The following THEMIS2 variants were observed in gnomAD, a reference collection of about 807,000 sequenced individuals.
THEMIS2 encodes the protein thymocyte selection associated family member 2.
A neutral mutation model predicts 46.8 loss-of-function variants in THEMIS2; 29 were observed. That is an observed-to-expected ratio of 0.62 (90% CI 0.46 to 0.84). The LOEUF is 0.84. Among genes scored for constraint, THEMIS2 ranks in the 40% least tolerant of loss-of-function variants. THEMIS2 has a pLI of 0.00. For synonymous variants in THEMIS2, 335 were observed against 349.1 expected, an observed-to-expected ratio of 0.96 and a Z score of 0.45; for missense variants, 698 against 834.7, an observed-to-expected ratio of 0.84 and a Z score of 2.02.
chr1:27,877,920 CG>C (rs1386306211), intron 2 of THEMIS2, among the ~76,000 whole-genome samples: 2 of 151,850 alleles, frequency 1.3e-5, no homozygotes, highest in Non-Finnish European at 2.9e-5. Context: ...GAGGCTGAGG[CG>C]GGTGGATCAC....
At chr1:27,880,466 GTGAGCCACCGTTCC>G (rs1156232103) in intron 3 of THEMIS2, among the ~76,000 whole-genome samples, 2 of 152,174 alleles carry the variant, frequency 1.3e-5, no homozygotes, top group Admixed American at 6.5e-5. Flanking sequence ...GATTACAGGC[GTGAGCCACCGTTCC>G]TGGCCAGTTA....
intron 1 of THEMIS2, 82 bp from the exon 2 acceptor site, chr1:27,876,506 C>A: frequency 6.5e-7 from 1 of 1,537,974 alleles, no homozygotes; most frequent in South Asian, 1.2e-5. Context: ...CATGGCAGAG[C>A]AGAGCTTGTT....
chr1:27,885,557 G>C, intron 5 of THEMIS2, 106 bp downstream of exon 5: 1 of 1,394,694 alleles, frequency 7.2e-7, no homozygotes, highest in Non-Finnish European at 9.5e-7. Context: ...CCCTTCTATG[G>C]TCCCAGTTTG....
At position 27,876,646 on chromosome 1, in the gene THEMIS2, G is replaced by C; in HGVS notation, c.153G>C (p.Lys51Asn). ...GCCTCTCCACGGGGGACCTGATCAA[G>C]GTCACCCAGGTCCGCCTCCAGAAGG... is the stretch of plus-strand genomic sequence containing the variant. Reference protein sequence around the residue: ...ECCLSTGDLIKVTQVRLQKVV... With the variant: ...ECCLSTGDLINVTQVRLQKVV... Residue 51 changes from lysine to asparagine, a missense_variant, in exon 2 of 6, where the codon AAG (lysine) becomes AAC (asparagine). Coordinates refer to ENST00000373921, the MANE Select transcript of THEMIS2 (RefSeq NM_001105556.3). 1 of 1,614,014 alleles carries C rather than the reference G, an allele frequency of 6.2e-7. No individual in the cohort carries two copies.
At chr1:27,874,191 C>T (rs11247700) in intron 1 of THEMIS2, among the ~76,000 whole-genome samples, 44,702 of 151,556 alleles carry the variant, frequency 0.29, 7,212 homozygotes, top group Middle Eastern at 0.38. Flanking sequence ...ACCAGGACAA[C>T]GTCCAGCTAA....
chr1:27,875,064 C>T (rs1465842234), intron 1 of THEMIS2, among the ~76,000 whole-genome samples: 1 of 151,998 alleles, frequency 6.6e-6, no homozygotes, highest in Non-Finnish European at 1.5e-5. Context: ...CTGCAACCTC[C>T]ACCTCCTGGG....
intron 3 of THEMIS2, among the ~76,000 whole-genome samples, chr1:27,881,285 C>A (rs191956948): frequency 1.8e-3 from 267 of 150,988 alleles, no homozygotes; most frequent in African/African-American, 6.0e-3. Context: ...CCCGTCTCTA[C>A]TAAAAATACA....
chr1:27,875,992 G>A (rs571044403), intron 1 of THEMIS2, among the ~76,000 whole-genome samples: 69 of 152,044 alleles, frequency 4.5e-4, no homozygotes, highest in African/African-American at 1.5e-3. Context: ...GTGAGCCACC[G>A]CGCCCAACCC....
Position 27,885,311 on chromosome 1 carries a change from G to C in THEMIS2, c.1736G>C (p.Gly579Ala), listed in dbSNP as rs1178127649. Residue 579 changes from glycine (G) to alanine (A), a missense_variant, in exon 5 of 6, where the codon GGA (glycine) becomes GCA (alanine). Gly to Ala is a moderately conservative substitution (Grantham distance 60). Coordinates refer to ENST00000373921, the MANE Select transcript of THEMIS2 (RefSeq NM_001105556.3). ...CTCCCAAAGTCTTCTCAAGTCTTAG[G>C]ATTGCAGCAACACGCTCGGCTGCCC... ...EGGVKSSQVL[G>A]LQQHARLPKP... 2 of 1,613,982 alleles carry C rather than the reference G, an allele frequency of 1.2e-6. No homozygotes were observed. The highest frequency in any genetic ancestry group is 3.3e-5 in the Admixed American group (2 of 59,990).
In THEMIS2 at chr1:27,882,481, A is replaced by G; in HGVS notation, c.1157A>G (p.Gln386Arg). The G allele has an allele frequency of 6.2e-7, 1 of 1,613,302 alleles. No individual in the cohort carries two copies. The highest frequency in any genetic ancestry group is 2.2e-5 in the East Asian group (1 of 44,854). ...GGGCCTGGCCAGGCCCATGGGGCCCAGGGCAGTGACGTGGATGTCTTGGTT... is the reference window on the plus strand; with the variant it reads ...GGGCCTGGCCAGGCCCATGGGGCCCGGGGCAGTGACGTGGATGTCTTGGTT... Reference protein sequence around the residue: ...VLGPGQAHGAQGSDVDVLVCQ... With the variant: ...VLGPGQAHGARGSDVDVLVCQ... Residue 386 changes from glutamine to arginine, a missense_variant, in exon 4 of 6, where the codon CAG (glutamine) becomes CGG (arginine). Transcript: ENST00000373921. The surrounding 1 kb of genome is among the most constrained non-coding windows in gnomAD (Gnocchi z 7.6).
chr1:27,885,736 G>A, intron 5 of THEMIS2, 131 bp from the exon 6 acceptor site: 1 of 903,148 alleles, frequency 1.1e-6, no homozygotes, highest in East Asian at 2.5e-5. Context: ...ACAAATCGTG[G>A]TTTCTAGGCT....
chr1:27,882,703 A>G lies in THEMIS2; in HGVS notation c.1379A>G (p.Lys460Arg). 6.2e-7 allele frequency: 1 copy of G among 1,613,974 alleles called. No individual in the cohort carries two copies. The highest frequency in any genetic ancestry group is 8.5e-7 in the Non-Finnish European group (1 of 1,179,980). ...CCTTGTGAGGTCAAGGTGGTGGCCA[A>G]GGACACCAGCCACCCCACTGACCCT... ...SLPCEVKVVA[K>R]DTSHPTDPLT... Residue 460 changes from lysine (K) to arginine (R), a missense_variant, in exon 4 of 6, where the codon AAG (lysine) becomes AGG (arginine). Physicochemically the swap from Lys to Arg is conservative, Grantham distance 26 (BLOSUM62 2). Transcript: ENST00000373921. The surrounding 1 kb of genome is among the most constrained non-coding windows in gnomAD (Gnocchi z 7.6).
At chr1:27,883,092 CTG>C in intron 4 of THEMIS2, 49 bp downstream of exon 4, 1 of 1,472,346 alleles carries the variant, frequency 6.8e-7, no homozygotes, top group African/African-American at 1.4e-5. Flanking sequence ...ATTGGGATCA[CTG>C]CTTCTTTGTC....
At chr1:27,877,894 G>A (rs1157842452) in intron 2 of THEMIS2, among the ~76,000 whole-genome samples, 1 of 152,022 alleles carries the variant, frequency 6.6e-6, no homozygotes, top group African/African-American at 2.4e-5. Flanking sequence ...TCATGCCTGT[G>A]ATCCCAGCTC....
Position 27,872,814 on chromosome 1 carries a change from T to TC in THEMIS2, c.94+150dup, listed in dbSNP as rs1435563600. 69 of 628,656 alleles carry TC rather than the reference T, an allele frequency of 1.1e-4. No homozygotes were observed. In the Middle Eastern group the frequency reaches 1.7e-3, roughly 16 times the overall value. The allele number at this position is 628,656 out of a possible 1,614,324, so 38.9% of individuals were successfully genotyped here. A position where few individuals can be genotyped will look rare whatever the true frequency, so the allele number is the denominator to read the frequency against. On this transcript the variant is annotated intron_variant, in intron 1 of 5. Coordinates refer to ENST00000373921, the MANE Select transcript of THEMIS2 (RefSeq NM_001105556.3). This position sits in a 1 kb window ranked among gnomAD's most constrained non-coding sequence, Gnocchi z 4.9. Reference sequence around the variant, plus strand: ...CAAGCTGTGTGATTTGGGGCCGCACTCAACCTCTTTGGACCTCGGCTTTTG... The same window carrying TC: ...CAAGCTGTGTGATTTGGGGCCGCACTCCAACCTCTTTGGACCTCGGCTTTTG...
At chr1:27,878,114 CTG>C (rs2089613921) in intron 2 of THEMIS2, among the ~76,000 whole-genome samples, 5 of 123,906 alleles carry the variant, frequency 4.0e-5, no homozygotes, top group African/African-American at 1.7e-4. Flanking sequence ...GAGAGAGACT[CTG>C]TCTCTCAAAA....
intron 2 of THEMIS2, among the ~76,000 whole-genome samples, chr1:27,877,387 G>A (rs34314246): frequency 0.032 from 4,835 of 152,054 alleles, 117 homozygotes; most frequent in Non-Finnish European, 0.052. Flanking sequence ...GTGCAGTGGC[G>A]TGATCTGGAC....
rs1165834545 is a variant in THEMIS2 at position 27,886,359 on chromosome 1, G to A, written c.*437G>A. ...TCACCCCCAAGCTCTAAGCCCCCGG[G>A]AGGCCTGGACTGTCTTCCTCATCTC... On this transcript the variant is annotated 3_prime_UTR_variant, in exon 6 of 6. Transcript: ENST00000373921. 4 of 206,582 alleles carry A rather than the reference G, an allele frequency of 1.9e-5. No individual in the cohort carries two copies. Among genetic ancestry groups the A allele is most frequent in the Admixed American group, 1.6e-4 (3 of 18,278 alleles). 12.8% of individuals were successfully genotyped at this position (206,582 alleles called of 1,614,324 possible).
chr1:27,883,439 A>G, intron 4 of THEMIS2: 1 of 186,546 alleles, frequency 5.4e-6, no homozygotes. Context: ...GCTGTCAGAA[A>G]GGCCTCCTAA....
Sources: gnomAD v4.1 joint callset for allele counts (sites outside exome capture counted in the v4.1 genomes callset) on GRCh38, gnomAD v4.1.1 for gene constraint, Gnocchi (gnomAD v3.1) non-coding constraint, MANE v1.5 for transcripts, NCBI Gene and HGNC (gene_info 2026-07-23, HGNC 2026-07-21) for gene names.